The following FCHO2 variants were observed in gnomAD, a reference collection of about 807,000 sequenced individuals.
The protein encoded by FCHO2 is F-BAR domain only protein 2.
Under a neutral mutation model 114.1 loss-of-function variants are expected in FCHO2, and 43 were observed. The ratio of observed to expected loss-of-function variants is 0.38; its 90% CI spans 0.30 to 0.49. The LOEUF is 0.49. Ranked by LOEUF, FCHO2 falls within the 20% of genes least tolerant of loss-of-function variation. FCHO2 has a pLI of 0.97. For missense variants in FCHO2, 807 were observed against 950.4 expected (o/e 0.85, Z 1.98); for synonymous variants, 293 against 315.2 (o/e 0.93, Z 0.75).
At chr5:73,063,027 AT>A (rs1757921076) in intron 17 of FCHO2, among the ~76,000 whole-genome samples, 1 of 152,090 alleles carries the variant, frequency 6.6e-6, no homozygotes, top group South Asian at 2.1e-4. Flanking sequence ...TTTATTAATG[AT>A]TATTAAACAT....
At chr5:72,959,971 G>A (rs1308874416) in intron 1 of FCHO2, among the ~76,000 whole-genome samples, 1 of 152,116 alleles carries the variant, frequency 6.6e-6, no homozygotes, top group Non-Finnish European at 1.5e-5. Flanking sequence ...GTGGAGATGA[G>A]ATCTCGCTAT....
intron 8 of FCHO2, chr5:73,020,936 A>G: frequency 1.3e-6 from 2 of 1,576,548 alleles, no homozygotes; most frequent in Non-Finnish European, 1.7e-6. Context: ...CGAAAAGCAA[A>G]CTGCAGTTTG....
At chr5:72,956,441 G>A (rs1473426853) in intron 1 of FCHO2, among the ~76,000 whole-genome samples, 1 of 151,702 alleles carries the variant, frequency 6.6e-6, no homozygotes, top group East Asian at 1.9e-4. Context: ...GGAGGCTCCC[G>A]GTGCCGCGCT....
intron 6 of FCHO2, 93 bp downstream of exon 6, chr5:73,006,642 G>A (rs894190027): frequency 1.1e-5 from 9 of 787,858 alleles, no homozygotes; most frequent in Non-Finnish European, 1.7e-5. Context: ...AGTGTTGGAA[G>A]TTTTAAAATG....
At chr5:73,073,148 T>C (rs1400094557) in intron 19 of FCHO2, among the ~76,000 whole-genome samples, 1 of 151,984 alleles carries the variant, frequency 6.6e-6, no homozygotes, top group East Asian at 1.9e-4. Flanking sequence ...ATCCCAAAAC[T>C]AATGACACTT....
chr5:73,008,208 C>G (rs1489172252), intron 6 of FCHO2, among the ~76,000 whole-genome samples: 1 of 152,028 alleles, frequency 6.6e-6, no homozygotes, highest in Admixed American at 6.6e-5. Context: ...GGGTTTTAGG[C>G]AGGGATGTGA....
At chr5:73,033,651 A>G (rs565919722) in intron 8 of FCHO2, among the ~76,000 whole-genome samples, 1 of 152,268 alleles carries the variant, frequency 6.6e-6, no homozygotes, top group East Asian at 1.9e-4. Context: ...ATTAAAAATT[A>G]TTTCACAAAA....
chr5:73,034,729 T>A (rs771131407), intron 9 of FCHO2, 28 bp downstream of exon 9: 92 of 1,546,906 alleles, frequency 5.9e-5, no homozygotes, highest in Non-Finnish European at 7.9e-5. Context: ...AATATGTTAA[T>A]GCACATGGCA....
At chr5:73,036,855 T>C (rs779078607) in intron 9 of FCHO2, among the ~76,000 whole-genome samples, 5 of 152,192 alleles carry the variant, frequency 3.3e-5, no homozygotes, top group Non-Finnish European at 7.3e-5. Context: ...TATCTCCATA[T>C]GCTTATTATG....
intron 2 of FCHO2, among the ~76,000 whole-genome samples, chr5:72,984,931 T>A (rs1337316766): frequency 6.6e-6 from 1 of 152,060 alleles, no homozygotes; most frequent in African/African-American, 2.4e-5. Context: ...CTGTTGCACC[T>A]GTCCTAATTT....
intron 5 of FCHO2, among the ~76,000 whole-genome samples, chr5:72,998,498 A>G (rs190653785): frequency 7.5e-4 from 114 of 152,148 alleles, no homozygotes; most frequent in Non-Finnish European, 1.4e-3. Flanking sequence ...AAAAAGAAAA[A>G]AAAAATGTAA....
intron 2 of FCHO2, among the ~76,000 whole-genome samples, chr5:72,976,760 TATCCC>T (rs944966482): frequency 3.3e-5 from 5 of 151,874 alleles, no homozygotes; most frequent in Non-Finnish European, 7.4e-5. Context: ...CTCCTAATGC[TATCCC>T]TCCCCCAGCC....
chr5:73,078,186 A>G lies in FCHO2; in HGVS notation c.1854A>G (p.Pro618=). 6.4e-7 allele frequency: 1 copy of G among 1,552,364 alleles called. No individual in the cohort carries two copies. Among genetic ancestry groups the G allele is most frequent in the Non-Finnish European group, 8.7e-7 (1 of 1,149,708 alleles). The change falls in exon 22 of 26, where the codon CCA becomes CCG. Residue 618 remains proline (P), a synonymous_variant. Coordinates refer to ENST00000430046, the MANE Select transcript of FCHO2 (RefSeq NM_138782.3). The part of the protein sequence containing the change: ...LPNAQLVFSD[P]SQCDSNTKDF... ...ATATTTTTTATATATGTAGTGATCCATCACAATGTGATTCCAACACAAAAG... is the reference window on the plus strand; with the variant it reads ...ATATTTTTTATATATGTAGTGATCCGTCACAATGTGATTCCAACACAAAAG...
intron 2 of FCHO2, among the ~76,000 whole-genome samples, chr5:72,969,087 A>T (rs1752366725): frequency 6.6e-6 from 1 of 152,328 alleles, no homozygotes; most frequent in South Asian, 2.1e-4. Context: ...ATTAAGAATA[A>T]ATATAATTTG....
chr5:73,053,444 C>G (rs558318635), intron 13 of FCHO2, among the ~76,000 whole-genome samples: 165 of 152,176 alleles, frequency 1.1e-3, no homozygotes, highest in African/African-American at 3.8e-3. Flanking sequence ...GCCTGTAATC[C>G]CAGCACTTTG....
chr5:73,059,971 TAA>T (rs960217845), intron 17 of FCHO2, among the ~76,000 whole-genome samples: 6 of 152,154 alleles, frequency 3.9e-5, no homozygotes, highest in African/African-American at 1.2e-4. Context: ...TATGAATTAT[TAA>T]AGTCTTTAAT....
intron 12 of FCHO2, 67 bp downstream of exon 12, chr5:73,051,473 TC>T: frequency 9.8e-7 from 1 of 1,016,246 alleles, no homozygotes; most frequent in Non-Finnish European, 1.4e-6. Context: ...TATAAGAAAA[TC>T]ATGTATTAAA....
chr5:73,045,386 C>T (rs1365488840), intron 11 of FCHO2, among the ~76,000 whole-genome samples: 1 of 152,140 alleles, frequency 6.6e-6, no homozygotes, highest in African/African-American at 2.4e-5. Context: ...TTTTTCCACT[C>T]AGCACAGTTC....
intron 2 of FCHO2, among the ~76,000 whole-genome samples, chr5:72,982,222 G>A (rs867670256): frequency 8.6e-5 from 13 of 151,966 alleles, no homozygotes; most frequent in African/African-American, 2.4e-4. Flanking sequence ...GCTTCTGCTC[G>A]CTCTCTGTGG....
Sources: allele counts gnomAD v4.1 joint callset (sites outside exome capture counted in the v4.1 genomes callset), GRCh38; gene constraint gnomAD v4.1.1; transcripts MANE v1.5; gene names NCBI Gene and HGNC (gene_info 2026-07-23, HGNC 2026-07-21).